The following PTPRZ1 variants were observed in gnomAD, a reference collection of about 807,000 sequenced individuals.
The protein encoded by PTPRZ1 is protein tyrosine phosphatase receptor type Z1.
A neutral mutation model predicts 214.1 loss-of-function variants in PTPRZ1; 82 were observed. That is an observed-to-expected ratio of 0.38 (90% CI 0.32 to 0.46). PTPRZ1 has a LOEUF of 0.46. PTPRZ1 is among the 20% of genes least tolerant of loss of function. PTPRZ1 has a pLI of 1.00. For synonymous variants in PTPRZ1, 945 were observed against 987.9 expected (o/e 0.96, Z 0.81); for missense variants, 2,603 against 2,748.7 (o/e 0.95, Z 1.19).
chr7:122,017,117 G>A (rs1798865283), intron 12 of PTPRZ1, among the ~76,000 whole-genome samples: 1 of 152,164 alleles, frequency 6.6e-6, no homozygotes, highest in African/African-American at 2.4e-5. Context: ...ACTTTGCTAA[G>A]TGAATGTTTT....
chr7:121,954,190 C>T (rs1796640477), intron 2 of PTPRZ1, among the ~76,000 whole-genome samples: 1 of 152,160 alleles, frequency 6.6e-6, no homozygotes, highest in African/African-American at 2.4e-5. Flanking sequence ...GTTTTGTCTT[C>T]CTTAACTCTG....
chr7:121,927,225 C>T (rs1199756400), intron 1 of PTPRZ1, among the ~76,000 whole-genome samples: 1 of 152,200 alleles, frequency 6.6e-6, no homozygotes, highest in Non-Finnish European at 1.5e-5. Context: ...TTGTAGCTTT[C>T]TCTACAGAAA....
chr7:122,016,863 C>A (rs1038489295), intron 12 of PTPRZ1, among the ~76,000 whole-genome samples: 6 of 152,018 alleles, frequency 3.9e-5, no homozygotes, highest in Non-Finnish European at 7.4e-5. Context: ...TATTAATCTA[C>A]ATCACTGGTT....
At chr7:121,955,131 A>G (rs1196483) in intron 2 of PTPRZ1, among the ~76,000 whole-genome samples, 93,537 of 151,704 alleles carry the variant, frequency 0.62, 29,396 homozygotes, top group African/African-American at 0.73. Context: ...ACTCTGTGTC[A>G]TTGACCCTTT....
chr7:121,999,653 C>T (rs988936282), intron 10 of PTPRZ1, among the ~76,000 whole-genome samples: 41 of 152,142 alleles, frequency 2.7e-4, no homozygotes, highest in Middle Eastern at 3.4e-3. Context: ...TTACTTTTAC[C>T]CATTTATTTT....
In PTPRZ1 at chr7:121,967,959, A is replaced by T. The variant is rs377676880; in HGVS notation, c.133A>T (p.Asn45Tyr). Residue 45 changes from asparagine to tyrosine, a missense_variant, in exon 3 of 30, where the codon AAT (asparagine) becomes TAT (tyrosine). Around this residue, in one of 6 missense-constraint regions of PTPRZ1, gnomAD observed 141 missense variants for 143.7 expected, o/e 0.98. Coordinates refer to ENST00000393386, the MANE Select transcript of PTPRZ1 (RefSeq NM_002851.3). The part of the protein sequence containing the change: ...EIGWSYTGAL[N>Y]QKNWGKKYPT... Reference sequence around the variant, plus strand: ...CTCCTTCTTTTCCCTAGGAGCACTGAATCAAAAAAATTGGGGAAAGAAATA... The same window carrying T: ...CTCCTTCTTTTCCCTAGGAGCACTGTATCAAAAAAATTGGGGAAAGAAATA... 6.4e-7 allele frequency: 1 copy of T among 1,571,852 alleles called. No homozygotes were observed. The highest frequency in any genetic ancestry group is 1.4e-5 in the African/African-American group (1 of 73,620).
intron 2 of PTPRZ1, among the ~76,000 whole-genome samples, chr7:121,957,792 T>G (rs1796754113): frequency 6.6e-6 from 1 of 152,144 alleles, no homozygotes; most frequent in Non-Finnish European, 1.5e-5. Context: ...TCTCCTCCCA[T>G]GTGATGGGAT....
intron 8 of PTPRZ1, among the ~76,000 whole-genome samples, chr7:121,994,971 T>C (rs1798089321): frequency 6.6e-6 from 1 of 152,146 alleles, no homozygotes; most frequent in Non-Finnish European, 1.5e-5. Context: ...TACATGTATT[T>C]ATTTGTAAAA....
At chr7:121,945,907 T>G (rs959128628) in intron 2 of PTPRZ1, among the ~76,000 whole-genome samples, 19 of 152,204 alleles carry the variant, frequency 1.2e-4, no homozygotes, top group African/African-American at 4.6e-4. Flanking sequence ...AAAAAGCAGC[T>G]TGTCATTTTG....
chr7:122,039,709 T>C (rs1255853121), intron 20 of PTPRZ1, 121 bp downstream of exon 20: 1 of 1,263,896 alleles, frequency 7.9e-7, no homozygotes, highest in Non-Finnish European at 1.1e-6. Flanking sequence ...TAAAAATTCT[T>C]GTAACCAGGC....
intron 14 of PTPRZ1, 44 bp downstream of exon 14, chr7:122,028,687 A>C: frequency 7.2e-7 from 1 of 1,379,586 alleles, no homozygotes; most frequent in Non-Finnish European, 1.0e-6. Context: ...TAGATGTTGA[A>C]CAAAAAGCAC....
chr7:122,040,778 G>GTT (rs1330991852), intron 20 of PTPRZ1, 38 bp from the exon 21 acceptor site: 3 of 979,778 alleles, frequency 3.1e-6, no homozygotes, highest in Middle Eastern at 3.6e-4. Flanking sequence ...GTGTGTGTGT[G>GTT]TGTGTTTGAC....
chr7:122,033,572 G>A lies in PTPRZ1; in HGVS notation c.5167-523G>A, dbSNP rs148885310. 4.7e-3 allele frequency among the ~76,000 whole-genome samples: 720 copies of A among 152,004 alleles called. 7 individuals are homozygous for A. Among genetic ancestry groups the A allele is most frequent in the African/African-American group, 0.016 (678 of 41,504 alleles). On this transcript the variant is annotated intron_variant, in intron 15 of 29. Coordinates refer to ENST00000393386, the MANE Select transcript of PTPRZ1 (RefSeq NM_002851.3). The stretch of plus-strand genomic sequence containing the variant: ...TGCTATCTAAATTTTGTTTCAAAAT[G>A]ATGTAATGTGTATGATTTTTAAAAT...
intron 1 of PTPRZ1, among the ~76,000 whole-genome samples, chr7:121,897,349 A>G (rs1794816148): frequency 6.6e-6 from 1 of 152,168 alleles, no homozygotes; most frequent in Admixed American, 6.5e-5. Context: ...TAGCGTACAC[A>G]TTCCTAAGAA....
chr7:122,012,738 C>T lies in PTPRZ1; in HGVS notation c.3692C>T (p.Ser1231Leu), dbSNP rs749597762. 4 of 1,610,102 alleles carry T rather than the reference C, an allele frequency of 2.5e-6. No individual in the cohort carries two copies. The highest frequency in any genetic ancestry group is 2.2e-5 in the East Asian group (1 of 44,864). ...CATCTCATTGTATCAAATTCTGCTTCAAGTGAAAACATGCTGCACTCTACA... is the reference window on the plus strand; with the variant it reads ...CATCTCATTGTATCAAATTCTGCTTTAAGTGAAAACATGCTGCACTCTACA... ...MLHLIVSNSASSENMLHSTSV... is the reference protein window; with the variant it reads ...MLHLIVSNSALSENMLHSTSV... The change falls in exon 12 of 30, where the codon TCA becomes TTA. Residue 1231 changes from serine (S) to leucine (L), a missense_variant. Coordinates refer to ENST00000393386, the MANE Select transcript of PTPRZ1 (RefSeq NM_002851.3).
At chr7:121,903,935 G>A (rs1240608142) in intron 1 of PTPRZ1, among the ~76,000 whole-genome samples, 1 of 149,110 alleles carries the variant, frequency 6.7e-6, no homozygotes, top group Non-Finnish European at 1.5e-5. Flanking sequence ...AATCTGAAAT[G>A]TATGCAGGAT....
chr7:121,950,359 C>T (rs1179550822), intron 2 of PTPRZ1, among the ~76,000 whole-genome samples: 1 of 152,144 alleles, frequency 6.6e-6, no homozygotes, highest in Admixed American at 6.5e-5. Flanking sequence ...TTTCCCAATC[C>T]TGAAATTCTT....
At chr7:121,886,110 G>A (rs1039293586) in intron 1 of PTPRZ1, among the ~76,000 whole-genome samples, 2 of 152,058 alleles carry the variant, frequency 1.3e-5, no homozygotes, top group Non-Finnish European at 2.9e-5. Flanking sequence ...GGGTGATTGC[G>A]CTACTGGGGA....
intron 6 of PTPRZ1, among the ~76,000 whole-genome samples, chr7:121,978,103 G>C (rs1797497753): frequency 6.6e-6 from 1 of 152,138 alleles, no homozygotes; most frequent in African/African-American, 2.4e-5. Flanking sequence ...ACTTGCTCAT[G>C]TTCTTTAAAA....
Sources: allele counts gnomAD v4.1 joint callset (sites outside exome capture counted in the v4.1 genomes callset), GRCh38; gene constraint gnomAD v4.1.1; regional missense constraint gnomAD v4.1.1; transcripts MANE v1.5; gene names NCBI Gene and HGNC (gene_info 2026-07-23, HGNC 2026-07-21).